The following PTCD2 variants were observed in gnomAD, a reference collection of about 807,000 sequenced individuals.
PTCD2 encodes the protein pentatricopeptide repeat domain 2.
A neutral mutation model predicts 42.6 loss-of-function variants in PTCD2; 31 were observed. The observed-to-expected ratio is 0.73, with a 90% CI of 0.55 to 0.98. PTCD2 has a LOEUF of 0.98. Ranked by LOEUF, PTCD2 falls within the 50% of genes least tolerant of loss-of-function variation. The probability of loss-of-function intolerance (pLI) is 0.00; values close to 1 mark genes in which losing one functional copy is unlikely to be tolerated. For missense variants in PTCD2, 476 were observed against 454.8 expected, an observed-to-expected ratio of 1.05 and a Z score of -0.42; for synonymous variants, 183 against 170.9, an observed-to-expected ratio of 1.07 and a Z score of -0.55.
chr5:72,337,021 C>A (rs1751788897), intron 6 of PTCD2, among the ~76,000 whole-genome samples: 1 of 151,996 alleles, frequency 6.6e-6, no homozygotes, highest in Non-Finnish European at 1.5e-5. Flanking sequence ...GAAAGAAAAC[C>A]AAGTGGAAAT....
At chr5:72,352,520 T>G (rs1186499138) in intron 8 of PTCD2, 121 bp from the exon 9 acceptor site, 2 of 524,348 alleles carry the variant, frequency 3.8e-6, no homozygotes, top group East Asian at 3.3e-5. Context: ...GCAAATAAAT[T>G]AGGAAGTAGG....
In PTCD2 at chr5:72,358,337, G is replaced by A; in HGVS notation, c.1077G>A (p.Arg359=). 1 of 1,613,930 alleles carries A rather than the reference G, an allele frequency of 6.2e-7. No homozygotes were observed. Among genetic ancestry groups the A allele is most frequent in the Non-Finnish European group, 8.5e-7 (1 of 1,179,976 alleles). ...SLDAVLCHTP[R]DRKSHTLLLN... is the part of the protein sequence containing the mutation. Reference sequence around the variant, plus strand: ...ATGCTGTGCTCTGCCACACCCCCAGGGACAGGAAATCTCACACGTTGCTAT... The same window carrying A: ...ATGCTGTGCTCTGCCACACCCCCAGAGACAGGAAATCTCACACGTTGCTAT... Residue 359 remains arginine (R), a synonymous_variant, in exon 10 of 10, where the codon AGG becomes AGA. Transcript: ENST00000380639.
At chr5:72,326,538 C>T in intron 2 of PTCD2, 74 bp from the exon 3 acceptor site, 1 of 1,554,588 alleles carries the variant, frequency 6.4e-7, no homozygotes, top group South Asian at 1.2e-5. Flanking sequence ...TGGGCTTCCC[C>T]ATCTTCCTGA....
rs1258731919 is a variant in PTCD2, at chr5:72,362,616, GC to G, written c.*4191del. 6.6e-6 allele frequency: 1 copy of G among 152,100 alleles called. No homozygotes were observed. Among genetic ancestry groups the G allele is most frequent in the African/African-American group, 2.4e-5 (1 of 41,402 alleles). The allele number at this position is 152,100 out of a possible 1,614,324, so 9.4% of individuals were successfully genotyped here. On this transcript the variant is annotated 3_prime_UTR_variant, in exon 10 of 10. Coordinates refer to ENST00000380639, the MANE Select transcript of PTCD2 (RefSeq NM_024754.5). ...CCCCACTCTTTCTCTATTCTGTTCT[GC>G]CTATTATTCAAGGTCTAACTTGTGT... is the stretch of plus-strand genomic sequence containing the variant.
At chr5:72,327,232 G>A (rs535269027) in intron 3 of PTCD2, among the ~76,000 whole-genome samples, 7 of 152,148 alleles carry the variant, frequency 4.6e-5, no homozygotes, top group African/African-American at 1.2e-4. Context: ...CTTAGTTCAC[G>A]CTTTAATGTC....
intron 8 of PTCD2, among the ~76,000 whole-genome samples, chr5:72,350,400 A>C (rs1291567491): frequency 1.3e-5 from 2 of 152,192 alleles, no homozygotes; most frequent in African/African-American, 4.8e-5. Context: ...TCTTGCACAC[A>C]TAGGAAGTTG....
intron 9 of PTCD2, 76 bp from the exon 10 acceptor site, chr5:72,358,127 C>G: frequency 3.7e-6 from 5 of 1,335,664 alleles, no homozygotes; most frequent in Non-Finnish European, 5.2e-6. Flanking sequence ...ATGTCCATTT[C>G]TTTTTCTTAG....
At chr5:72,353,032 G>A (rs1021516853) in intron 9 of PTCD2, among the ~76,000 whole-genome samples, 7 of 151,954 alleles carry the variant, frequency 4.6e-5, no homozygotes, top group African/African-American at 1.5e-4. Context: ...TCTAGATGAC[G>A]ATTTTACACC....
Position 72,358,821 on chromosome 5 carries a change from G to T in PTCD2, c.*394G>T, listed in dbSNP as rs902004756. 4.5e-6 allele frequency: 1 copy of T among 220,550 alleles called. No individual in the cohort carries two copies. Among genetic ancestry groups the T allele is most frequent in the Non-Finnish European group, 9.1e-6 (1 of 109,968 alleles). The allele number at this position is 220,550 out of a possible 1,614,324, so 13.7% of individuals were successfully genotyped here. A position where few individuals can be genotyped will look rare whatever the true frequency, so the allele number is the denominator to read the frequency against. On this transcript the variant is annotated 3_prime_UTR_variant, in exon 10 of 10. Coordinates refer to ENST00000380639, the MANE Select transcript of PTCD2 (RefSeq NM_024754.5). The stretch of plus-strand genomic sequence containing the variant: ...CAAATTACATCCTTGCTGAATTCAG[G>T]AGGTATGAAACCCTATTTTACCATG...
chr5:72,352,938 A>T (rs1447078337), intron 9 of PTCD2, among the ~76,000 whole-genome samples, 184 bp downstream of exon 9: 1 of 152,104 alleles, frequency 6.6e-6, no homozygotes, highest in African/African-American at 2.4e-5. Context: ...AACAGAATAT[A>T]TCCTCTGAAA....
Position 72,326,650 on chromosome 5 carries a change from A to G in PTCD2, c.259A>G (p.Asn87Asp). 1 of 1,614,210 alleles carries G rather than the reference A, an allele frequency of 6.2e-7. No homozygotes were observed. The highest frequency in any genetic ancestry group is 8.5e-7 in the Non-Finnish European group (1 of 1,180,024). The part of the protein sequence containing the change: ...FRNLKKKLTQ[N>D]KLILKGELIT... The stretch of plus-strand genomic sequence containing the variant: ...AAACTTGAAAAAGAAACTGACCCAG[A>G]ACAAGCTCATCTTGAAGGGGGAGTT... Residue 87 changes from asparagine to aspartate, a missense_variant, in exon 3 of 10, where the codon AAC (asparagine) becomes GAC (aspartate). Transcript: ENST00000380639.
rs1463220302 is a variant in PTCD2, at chr5:72,365,524, A to G, written c.*7097A>G. On this transcript the variant is annotated 3_prime_UTR_variant, in exon 10 of 10. Coordinates refer to ENST00000380639, the MANE Select transcript of PTCD2 (RefSeq NM_024754.5). The stretch of plus-strand genomic sequence containing the variant: ...AATTTGATTTTGAATCCGCAAGTGC[A>G]AGTCTCATTCCTGGTAACTAATAGT... The G allele has an allele frequency of 1.3e-5, 2 of 152,246 alleles. No homozygotes were observed. Among genetic ancestry groups the G allele is most frequent in the Non-Finnish European group, 1.5e-5 (1 of 68,056 alleles). The allele number at this position is 152,246 out of a possible 1,614,324, so 9.4% of individuals were successfully genotyped here.
At chr5:72,347,827 T>G (rs1199529549) in intron 8 of PTCD2, among the ~76,000 whole-genome samples, 1 of 151,700 alleles carries the variant, frequency 6.6e-6, no homozygotes, top group Non-Finnish European at 1.5e-5. Context: ...CAGGGCATGA[T>G]GAAAAAAGTG....
chr5:72,355,722 T>G (rs1173929229), intron 9 of PTCD2, among the ~76,000 whole-genome samples: 1 of 152,176 alleles, frequency 6.6e-6, no homozygotes, highest in East Asian at 1.9e-4. Flanking sequence ...TAACTTAAGG[T>G]GAAAAACAGA....
At chr5:72,323,010 C>T (rs111657454) in intron 2 of PTCD2, among the ~76,000 whole-genome samples, 63 of 152,070 alleles carry the variant, frequency 4.1e-4, no homozygotes, top group African/African-American at 1.4e-3. Flanking sequence ...GTTAGTTGGG[C>T]GTGGTGGTGC....
At chr5:72,332,072 G>A (rs1751467195) in intron 4 of PTCD2, among the ~76,000 whole-genome samples, 1 of 152,280 alleles carries the variant, frequency 6.6e-6, no homozygotes, top group Admixed American at 6.5e-5. Context: ...GGGAGTGTAA[G>A]CTTAGACTGC....
At chr5:72,338,862 T>A (rs1288885417) in intron 7 of PTCD2, 127 bp downstream of exon 7, 2 of 506,844 alleles carry the variant, frequency 3.9e-6, no homozygotes, top group Non-Finnish European at 7.1e-6. Context: ...AAGAGACCAA[T>A]GCCTTTGTTG....
Position 72,320,481 on chromosome 5 carries a change from C to T in PTCD2, c.99C>T (p.Gly33=). 6.2e-7 allele frequency: 1 copy of T among 1,614,050 alleles called. No individual in the cohort carries two copies. Among genetic ancestry groups the T allele is most frequent in the Non-Finnish European group, 8.5e-7 (1 of 1,180,036 alleles). The change falls in exon 1 of 10, where the codon GGC becomes GGT. Residue 33 remains glycine (G), a synonymous_variant. Coordinates refer to ENST00000380639, the MANE Select transcript of PTCD2 (RefSeq NM_024754.5). Reference sequence around the variant, plus strand: ...TGTATCCTGGGGTGGGAGGCTCCGGCTCTGTCAGCTGCCGCTGCCCTCTCG... The same window carrying T: ...TGTATCCTGGGGTGGGAGGCTCCGGTTCTGTCAGCTGCCGCTGCCCTCTCG... The part of the protein sequence containing the change: ...ILVYPGVGGS[G]SVSCRCPLGA...
chr5:72,341,767 G>T (rs1158057854), intron 7 of PTCD2, among the ~76,000 whole-genome samples: 3 of 151,580 alleles, frequency 2.0e-5, no homozygotes, highest in Non-Finnish European at 2.9e-5. Context: ...TTCTGGCCAG[G>T]TGCAGTGGCT....
Sources: allele counts gnomAD v4.1 joint callset (sites outside exome capture counted in the v4.1 genomes callset), GRCh38; gene constraint gnomAD v4.1.1; transcripts MANE v1.5; gene names NCBI Gene and HGNC (gene_info 2026-07-23, HGNC 2026-07-21).